Variants in PPP4C observed in about 807,000 individuals in gnomAD.
PPP4C encodes protein phosphatase 4 catalytic subunit, also known as serine/threonine-protein phosphatase 4 catalytic subunit.
A neutral mutation model predicts 40.5 loss-of-function variants in PPP4C; 10 were observed. The ratio of observed to expected loss-of-function variants is 0.25; its 90% CI spans 0.15 to 0.42. PPP4C has a LOEUF of 0.42. Among genes scored for constraint, PPP4C ranks in the 10% least tolerant of loss-of-function variants. The pLI is 1.00. For synonymous variants in PPP4C, 187 were observed against 163.6 expected, an observed-to-expected ratio of 1.14 and a Z score of -1.09; for missense variants, 191 against 416.4, an observed-to-expected ratio of 0.46 and a Z score of 4.71.
intron 3 of PPP4C, 84 bp from the exon 4 acceptor site, chr16:30,082,400 C>T: frequency 7.3e-7 from 1 of 1,376,762 alleles, no homozygotes; most frequent in Non-Finnish European, 1.0e-6. Context: ...AGTGATAAAG[C>T]TCACTAAAGC....
rs2072543349 is a variant in PPP4C at position 30,083,170 on chromosome 16, A to G, written c.304-224A>G. On this transcript the variant is annotated intron_variant, in intron 5 of 8. Coordinates refer to ENST00000279387, the MANE Select transcript of PPP4C (RefSeq NM_002720.3). This position sits in a 1 kb window ranked among gnomAD's most constrained non-coding sequence, Gnocchi z 6.3. ...CGGTCTGTGTCTGGTAGGTGAAAGA[A>G]GAGCCATTAGGTTCATAGTTGAGGG... 3.3e-6 allele frequency: 2 copies of G among 613,788 alleles called. No homozygotes were observed. Among genetic ancestry groups the G allele is most frequent in the African/African-American group, 1.8e-5 (1 of 54,262 alleles). 38.0% of individuals were successfully genotyped at this position (613,788 alleles called of 1,614,324 possible).
chr16:30,081,219 T>C (rs757686768), intron 2 of PPP4C, 40 bp from the exon 3 acceptor site: 10 of 1,612,842 alleles, frequency 6.2e-6, no homozygotes, highest in Non-Finnish European at 7.6e-6. Flanking sequence ...TGGGCTGGGC[T>C]GGCCTGGCTG....
rs2072396325 is a variant in PPP4C at position 30,076,383 on chromosome 16, G to T, written c.6G>T (p.Ala2=). Residue 2 remains alanine, a synonymous_variant, in exon 2 of 9, where the codon GCG becomes GCT. Coordinates refer to ENST00000279387, the MANE Select transcript of PPP4C (RefSeq NM_002720.3). M[A]EISDLDRQIE... ...ACCCGCGCCGGGGGTGGGCCATGGC[G>T]GAGATCAGCGACCTGGACCGGCAGA... 6.2e-7 allele frequency: 1 copy of T among 1,612,944 alleles called. No homozygotes were observed. The highest frequency in any genetic ancestry group is 8.5e-7 in the Non-Finnish European group (1 of 1,179,708).
intron 2 of PPP4C, among the ~76,000 whole-genome samples, chr16:30,078,707 G>C (rs189312517): frequency 6.6e-6 from 1 of 152,214 alleles, no homozygotes; most frequent in Non-Finnish European, 1.5e-5. Flanking sequence ...TGAAATTGCT[G>C]CTACTAGAAA....
intron 3 of PPP4C, among the ~76,000 whole-genome samples, chr16:30,082,009 C>T (rs923055136): frequency 1.3e-5 from 2 of 150,906 alleles, no homozygotes; most frequent in African/African-American, 2.4e-5. Flanking sequence ...GAGCCGAGAT[C>T]GCGCCACCGC....
Position 30,085,092 on chromosome 16 carries a change from T to C in PPP4C, c.*30T>C, listed in dbSNP as rs1454336278. On this transcript the variant is annotated 3_prime_UTR_variant, in exon 9 of 9. Coordinates refer to ENST00000279387, the MANE Select transcript of PPP4C (RefSeq NM_002720.3). ...GCCCGGCCCCTGCCCCCTCCAACCC[T>C]TCTGGCCCTCGCACCACTGTGACTC... 3 of 1,603,254 alleles carry C rather than the reference T, an allele frequency of 1.9e-6. No individual in the cohort carries two copies. The highest frequency in any genetic ancestry group is 2.2e-5 in the East Asian group (1 of 44,616).
chr16:30,076,490 C>G lies in PPP4C; in HGVS notation c.98+15C>G. 6.3e-7 allele frequency: 1 copy of G among 1,599,750 alleles called. No individual in the cohort carries two copies. The highest frequency in any genetic ancestry group is 8.5e-7 in the Non-Finnish European group (1 of 1,172,840). ...GCTAAGGCCAGGTGAGCTCGTTGGC[C>G]CTGGGGAAGGGAGGCCAAGCCGCCG... is the stretch of plus-strand genomic sequence containing the variant. On this transcript the variant is annotated intron_variant, in intron 2 of 8. Coordinates refer to ENST00000279387, the MANE Select transcript of PPP4C (RefSeq NM_002720.3).
At chr16:30,084,338 G>A (rs2072573192) in intron 7 of PPP4C, among the ~76,000 whole-genome samples, 1 of 152,174 alleles carries the variant, frequency 6.6e-6, no homozygotes, top group Admixed American at 6.5e-5. Flanking sequence ...CAGTCACTCC[G>A]GACCTCCCTG....
At chr16:30,076,160 A>T in intron 1 of PPP4C, 66 bp downstream of exon 1, 1 of 514,142 alleles carries the variant, frequency 1.9e-6, no homozygotes, top group East Asian at 3.1e-5. Context: ...GACGGGAGTT[A>T]GCGGGGGTGC....
At chr16:30,079,116 G>C (rs1314578222) in intron 2 of PPP4C, among the ~76,000 whole-genome samples, 1 of 151,918 alleles carries the variant, frequency 6.6e-6, no homozygotes, top group East Asian at 1.9e-4. Flanking sequence ...GGGCTTCTGG[G>C]TTCCAATTTA....
Position 30,076,015 on chromosome 16 carries a change from G to GGCGGCGGCGGCA in PPP4C, c.-132_-131insAGCGGCGGCGGC, listed in dbSNP as rs2072381226. The stretch of plus-strand genomic sequence containing the variant: ...CGGGGCCGGAAGTAGGAGCGGCGGC[G>GGCGGCGGCGGCA]GCGGCGGCGGCGGCGGTCGAAAGCG... On this transcript the variant is annotated 5_prime_UTR_variant, in exon 1 of 9. Transcript: ENST00000279387. 2.7e-6 allele frequency: 1 copy of GGCGGCGGCGGCA among 370,246 alleles called. No homozygotes were observed. Among genetic ancestry groups the GGCGGCGGCGGCA allele is most frequent in the African/African-American group, 2.2e-5 (1 of 45,002 alleles). 22.9% of individuals were successfully genotyped at this position (370,246 alleles called of 1,614,324 possible).
Position 30,083,600 on chromosome 16 carries a change from G to A in PPP4C, c.477+33G>A, listed in dbSNP as rs770481505. 8.1e-6 allele frequency: 13 copies of A among 1,613,748 alleles called. No homozygotes were observed. The highest frequency in any genetic ancestry group is 5.3e-5 in the African/African-American group (4 of 74,940). ...AGCCCAGGGCTCCATGGGACAGGGA[G>A]AGGAGGGGGGCTTCAGGCCTCAGCC... On this transcript the variant is annotated intron_variant, in intron 6 of 8. Coordinates refer to ENST00000279387, the MANE Select transcript of PPP4C (RefSeq NM_002720.3). The surrounding 1 kb of genome is among the most constrained non-coding windows in gnomAD (Gnocchi z 6.3).
At position 30,085,053 on chromosome 16, in the gene PPP4C, C is replaced by T. The variant is rs1226620091; in HGVS notation, c.915C>T (p.Tyr305=). 1.9e-6 allele frequency: 3 copies of T among 1,613,932 alleles called. No individual in the cohort carries two copies. Among genetic ancestry groups the T allele is most frequent in the Non-Finnish European group, 2.5e-6 (3 of 1,180,004 alleles). Residue 305 remains tyrosine (Y), a synonymous_variant, in exon 9 of 9, where the codon TAC becomes TAT. Coordinates refer to ENST00000279387, the MANE Select transcript of PPP4C (RefSeq NM_002720.3). The part of the protein sequence containing the change: ...GIPSKKPVAD[Y]FL ...CCTCCAAGAAGCCCGTGGCCGACTA[C>T]TTCCTGTGACCCCGCCCGGCCCCTG...
chr16:30,082,238 G>T lies in PPP4C; in HGVS notation c.151-246G>T, dbSNP rs141443803. On this transcript the variant is annotated intron_variant, in intron 3 of 8. Transcript: ENST00000279387. Reference sequence around the variant, plus strand: ...CTTTGTGGGGAGTAGAGAGAGGAAGGGGCCGGGACATCTACCTGGAAGGAC... The same window carrying T: ...CTTTGTGGGGAGTAGAGAGAGGAAGTGGCCGGGACATCTACCTGGAAGGAC... Among the ~76,000 whole-genome samples the T allele has an allele frequency of 1.7e-3, 265 of 152,206 alleles. 1 individual carries two copies. Among genetic ancestry groups the T allele is most frequent in the Non-Finnish European group, 2.9e-3 (198 of 68,022 alleles).
At chr16:30,080,597 C>T (rs904638720) in intron 2 of PPP4C, among the ~76,000 whole-genome samples, 7 of 151,264 alleles carry the variant, frequency 4.6e-5, no homozygotes, top group Non-Finnish European at 5.9e-5. Flanking sequence ...GCCCCCACCT[C>T]CCAGGTTCAA....
chr16:30,082,226 A>T (rs554420970), intron 3 of PPP4C, among the ~76,000 whole-genome samples: 1 of 152,240 alleles, frequency 6.6e-6, no homozygotes, highest in African/African-American at 2.4e-5. Flanking sequence ...TGTGGGGAGT[A>T]GAGAGAGGAA....
Position 30,085,181 on chromosome 16 carries a change from G to T in PPP4C, c.*119G>T. On this transcript the variant is annotated 3_prime_UTR_variant, in exon 9 of 9. Coordinates refer to ENST00000279387, the MANE Select transcript of PPP4C (RefSeq NM_002720.3). ...CTGTCCTGGCTCTGCTGTCCCCCAA[G>T]AGGGTGCTTCGAGGGTGAGGACTTC... 7.4e-7 allele frequency: 1 copy of T among 1,353,622 alleles called. No individual in the cohort carries two copies. Among genetic ancestry groups the T allele is most frequent in the South Asian group, 1.3e-5 (1 of 75,944 alleles). 83.9% of individuals were successfully genotyped at this position (1,353,622 alleles called of 1,614,324 possible).
chr16:30,082,454 A>C (rs2072528525), intron 3 of PPP4C, 30 bp from the exon 4 acceptor site: 1 of 1,606,060 alleles, frequency 6.2e-7, no homozygotes, highest in South Asian at 1.1e-5. Context: ...CCACTGCTTG[A>C]GTTCCAACCC....
chr16:30,079,687 G>A (rs1596831249), intron 2 of PPP4C, among the ~76,000 whole-genome samples: 1 of 152,150 alleles, frequency 6.6e-6, no homozygotes, highest in Non-Finnish European at 1.5e-5. Flanking sequence ...GACCTCCTTC[G>A]TGCTGCCTCT....
Sources: gnomAD v4.1 joint callset for allele counts (sites outside exome capture counted in the v4.1 genomes callset) on GRCh38, gnomAD v4.1.1 for gene constraint, Gnocchi (gnomAD v3.1) non-coding constraint, MANE v1.5 for transcripts, NCBI Gene and HGNC (gene_info 2026-07-23, HGNC 2026-07-21) for gene names.